Variants in CUEDC2 observed in about 807,000 individuals in gnomAD.
The protein encoded by CUEDC2 is CUE domain-containing protein 2.
In CUEDC2, 10 loss-of-function variants were observed where a neutral mutation model predicts 36.0. The ratio of observed to expected loss-of-function variants is 0.28; its 90% CI spans 0.17 to 0.47. The LOEUF is 0.47. CUEDC2 is among the 20% of genes least tolerant of loss of function. CUEDC2 has a pLI of 0.99. For synonymous variants in CUEDC2, 133 were observed against 141.8 expected, an observed-to-expected ratio of 0.94 and a Z score of 0.44; for missense variants, 269 against 368.1, an observed-to-expected ratio of 0.73 and a Z score of 2.20.
chr10:102,425,345 C>G (rs2061592161), intron 1 of CUEDC2, 147 bp from the exon 2 acceptor site: 1 of 638,908 alleles, frequency 1.6e-6, no homozygotes. Flanking sequence ...ACCATGCCCC[C>G]TCCTCCGCCC....
At chr10:102,426,056 C>T (rs1332626559) in intron 1 of CUEDC2, among the ~76,000 whole-genome samples, 1 of 152,208 alleles carries the variant, frequency 6.6e-6, no homozygotes, top group Non-Finnish European at 1.5e-5. Flanking sequence ...ATAGCACTTA[C>T]TACCATTAAC....
Position 102,423,987 on chromosome 10 carries a change from A to G in CUEDC2, c.594+9T>C. 1.2e-6 allele frequency: 2 copies of G among 1,613,116 alleles called. No homozygotes were observed. Among genetic ancestry groups the G allele is most frequent in the Non-Finnish European group, 1.7e-6 (2 of 1,179,524 alleles). On this transcript the variant is annotated intron_variant, in intron 6 of 8. Coordinates refer to ENST00000369937, the MANE Select transcript of CUEDC2 (RefSeq NM_024040.3). The surrounding 1 kb of genome is among the most constrained non-coding windows in gnomAD (Gnocchi z 5.6). Reference sequence around the variant, plus strand: ...AGGCTACATGGTAGAGGGTGCTGGGAAAAGATACCTGGTTGGGGCCCTCCC... The same window carrying G: ...AGGCTACATGGTAGAGGGTGCTGGGGAAAGATACCTGGTTGGGGCCCTCCC...
In CUEDC2 at chr10:102,423,627, C is replaced by T. The variant is rs761829591; in HGVS notation, c.717+30G>A. The T allele has an allele frequency of 1.9e-5, 30 of 1,614,084 alleles. No individual in the cohort carries two copies. The highest frequency in any genetic ancestry group is 6.6e-5 in the South Asian group (6 of 91,092). On this transcript the variant is annotated intron_variant, in intron 8 of 8. Transcript: ENST00000369937. This position sits in a 1 kb window ranked among gnomAD's most constrained non-coding sequence, Gnocchi z 5.6. ...AGCCAGGAGCCAGTCCCACCCATTC[C>T]GCATCCCCAGCAACCCTTAACTCTC...
intron 1 of CUEDC2, among the ~76,000 whole-genome samples, chr10:102,429,477 G>T (rs560358910): frequency 8.6e-4 from 131 of 151,614 alleles, no homozygotes; most frequent in Non-Finnish European, 8.7e-4. Flanking sequence ...CTTTCAAGTG[G>T]GTTGGGACAG....
At chr10:102,430,680 G>T (rs1009789764) in intron 1 of CUEDC2, among the ~76,000 whole-genome samples, 3 of 152,062 alleles carry the variant, frequency 2.0e-5, no homozygotes, top group Non-Finnish European at 2.9e-5. Context: ...ACTTCACCCA[G>T]GCTTCTAAGC....
chr10:102,427,930 TTTTG>T (rs565049079), intron 1 of CUEDC2, among the ~76,000 whole-genome samples: 50 of 152,120 alleles, frequency 3.3e-4, no homozygotes, highest in Middle Eastern at 3.4e-3. Context: ...TGGCTTTGTT[TTTTG>T]TTTGTTTGTT....
intron 1 of CUEDC2, among the ~76,000 whole-genome samples, chr10:102,426,512 AC>A (rs2135471731): frequency 6.6e-6 from 1 of 152,036 alleles, no homozygotes; most frequent in African/African-American, 2.4e-5. Context: ...GCCCTCTTTC[AC>A]CCCTACCAGT....
chr10:102,428,479 C>A (rs1239114734), intron 1 of CUEDC2, among the ~76,000 whole-genome samples: 2 of 152,138 alleles, frequency 1.3e-5, no homozygotes, highest in Non-Finnish European at 2.9e-5. Context: ...CTAGCCAGCA[C>A]GGGCATTTTT....
intron 1 of CUEDC2, among the ~76,000 whole-genome samples, chr10:102,425,892 C>T (rs2061594489): frequency 6.6e-6 from 1 of 152,106 alleles, no homozygotes; most frequent in Admixed American, 6.6e-5. Flanking sequence ...TTCTGTCCCT[C>T]AGACTTGCTG....
In CUEDC2 at chr10:102,425,103, A is replaced by T. The variant is rs1364878475; in HGVS notation, c.74+12T>A. The T allele has an allele frequency of 1.2e-6, 2 of 1,611,258 alleles. No homozygotes were observed. Among genetic ancestry groups the T allele is most frequent in the South Asian group, 2.2e-5 (2 of 91,008 alleles). ...AGCACTGACATGAGCCTTCCGGGGGACCCGTCTCTACCTGAGGTCGGCCTC... is the reference window on the plus strand; with the variant it reads ...AGCACTGACATGAGCCTTCCGGGGGTCCCGTCTCTACCTGAGGTCGGCCTC... On this transcript the variant is annotated intron_variant, in intron 2 of 8. Coordinates refer to ENST00000369937, the MANE Select transcript of CUEDC2 (RefSeq NM_024040.3).
rs1426830178 is a variant in CUEDC2, at chr10:102,423,995, C to G, written c.594+1G>C. On this transcript the variant is annotated splice_donor_variant, in intron 6 of 8. Transcript: ENST00000369937. LOFTEE classifies it high-confidence loss of function. The surrounding 1 kb of genome is among the most constrained non-coding windows in gnomAD (Gnocchi z 5.6). ...TGGTAGAGGGTGCTGGGAAAAGATA[C>G]CTGGTTGGGGCCCTCCCAGGCTGCA... 6.2e-7 allele frequency: 1 copy of G among 1,613,336 alleles called. No homozygotes were observed. The highest frequency in any genetic ancestry group is 8.5e-7 in the Non-Finnish European group (1 of 1,179,656).
rs1247661694 is a variant in CUEDC2 at position 102,423,970 on chromosome 10, T to C, written c.594+26A>G. 3 of 1,610,968 alleles carry C rather than the reference T, an allele frequency of 1.9e-6. No individual in the cohort carries two copies. Among genetic ancestry groups the C allele is most frequent in the Non-Finnish European group, 2.5e-6 (3 of 1,178,502 alleles). On this transcript the variant is annotated intron_variant, in intron 6 of 8. Coordinates refer to ENST00000369937, the MANE Select transcript of CUEDC2 (RefSeq NM_024040.3). The surrounding 1 kb of genome is among the most constrained non-coding windows in gnomAD (Gnocchi z 5.6). ...AAGGTGGAATGTAGCTGAGGCTACA[T>C]GGTAGAGGGTGCTGGGAAAAGATAC...
At chr10:102,430,147 T>TTTTA (rs71016380) in intron 1 of CUEDC2, among the ~76,000 whole-genome samples, 72,513 of 120,016 alleles carry the variant, frequency 0.6, 21,809 homozygotes, top group African/African-American at 0.65. Context: ...TTTTTTTTAA[T>TTTTA]TTTATTTATT....
chr10:102,423,974 A>G lies in CUEDC2; in HGVS notation c.594+22T>C, dbSNP rs201123507. On this transcript the variant is annotated intron_variant, in intron 6 of 8. Coordinates refer to ENST00000369937, the MANE Select transcript of CUEDC2 (RefSeq NM_024040.3). The surrounding 1 kb of genome is among the most constrained non-coding windows in gnomAD (Gnocchi z 5.6). ...TGGAATGTAGCTGAGGCTACATGGT[A>G]GAGGGTGCTGGGAAAAGATACCTGG... 21 of 1,611,814 alleles carry G rather than the reference A, an allele frequency of 1.3e-5. No homozygotes were observed. The highest frequency in any genetic ancestry group is 1.1e-4 in the African/African-American group (8 of 75,032).
intron 1 of CUEDC2, among the ~76,000 whole-genome samples, chr10:102,429,227 T>G (rs1294707173): frequency 1.3e-5 from 2 of 152,038 alleles, no homozygotes; most frequent in Non-Finnish European, 2.9e-5. Flanking sequence ...CTTCCAGTTG[T>G]CTCATGAAGC....
Position 102,424,073 on chromosome 10 carries a change from C to T in CUEDC2, c.517G>A (p.Gly173Arg). Residue 173 changes from glycine (G) to arginine (R), a missense_variant, in exon 6 of 9, where the codon GGG (glycine) becomes AGG (arginine). Gly to Arg is a moderately radical substitution (Grantham distance 125). Coordinates refer to ENST00000369937, the MANE Select transcript of CUEDC2 (RefSeq NM_024040.3). This position sits in a 1 kb window ranked among gnomAD's most constrained non-coding sequence, Gnocchi z 4.2. ...ATCTGCACAGCTTCTTCCAAGTCCC[C>T]CCGAGCTTTGGCCAGCACCCACTGG... The part of the protein sequence containing the change: ...QAQWVLAKAR[G>R]DLEEAVQMLV... The T allele has an allele frequency of 6.2e-7, 1 of 1,614,186 alleles. No homozygotes were observed. The highest frequency in any genetic ancestry group is 8.5e-7 in the Non-Finnish European group (1 of 1,180,016).
At chr10:102,427,481 C>A (rs968932752) in intron 1 of CUEDC2, among the ~76,000 whole-genome samples, 2 of 152,202 alleles carry the variant, frequency 1.3e-5, no homozygotes, top group African/African-American at 2.4e-5. Context: ...TGCTTTACTC[C>A]TCCAAGGCCA....
chr10:102,425,914 G>C (rs565431863), intron 1 of CUEDC2, among the ~76,000 whole-genome samples: 1 of 151,966 alleles, frequency 6.6e-6, no homozygotes, highest in Admixed American at 6.6e-5. Context: ...GCTTCCTCCT[G>C]TCTGTGTCCT....
chr10:102,423,253 T>C lies in CUEDC2; in HGVS notation c.*173A>G. ...TGACCAGAATGCACTCACACCTTCC[T>C]TGGGCCACCTTTACTGTGCCCATGG... On this transcript the variant is annotated 3_prime_UTR_variant, in exon 9 of 9. Coordinates refer to ENST00000369937, the MANE Select transcript of CUEDC2 (RefSeq NM_024040.3). This position sits in a 1 kb window ranked among gnomAD's most constrained non-coding sequence, Gnocchi z 5.6. 1 of 871,732 alleles carries C rather than the reference T, an allele frequency of 1.1e-6. No individual in the cohort carries two copies. The highest frequency in any genetic ancestry group is 1.8e-6 in the Non-Finnish European group (1 of 562,478). The allele number at this position is 871,732 out of a possible 1,614,324, so 54.0% of individuals were successfully genotyped here.
Sources: allele counts gnomAD v4.1 joint callset (sites outside exome capture counted in the v4.1 genomes callset), GRCh38; gene constraint gnomAD v4.1.1; non-coding constraint Gnocchi (gnomAD v3.1); transcripts MANE v1.5; gene names NCBI Gene and HGNC (gene_info 2026-07-23, HGNC 2026-07-21).